The following AP2B1 variants were observed in gnomAD, a reference collection of about 807,000 sequenced individuals.
AP2B1 encodes the protein AP-2 complex subunit beta.
A neutral mutation model predicts 102.0 loss-of-function variants in AP2B1; 23 were observed. The observed-to-expected ratio is 0.23, with a 90% CI of 0.16 to 0.32. The LOEUF (loss-of-function observed/expected upper bound fraction) is 0.32. Ranked by LOEUF, AP2B1 falls within the 10% of genes least tolerant of loss-of-function variation. The pLI is 1.00. For synonymous variants in AP2B1, 381 were observed against 421.2 expected (o/e 0.90, Z 1.17); for missense variants, 541 against 1,157.4 (o/e 0.47, Z 7.73).
chr17:35,608,700 T>C (rs2073767910), intron 5 of AP2B1, among the ~76,000 whole-genome samples: 1 of 152,218 alleles, frequency 6.6e-6, no homozygotes, highest in Non-Finnish European at 1.5e-5. Flanking sequence ...ATATTTAAGA[T>C]TATTTTCTTC....
chr17:35,639,670 T>C lies in AP2B1; in HGVS notation c.1347T>C (p.Ile449=), dbSNP rs758727781. Residue 449 remains isoleucine (I), a synonymous_variant, in exon 11 of 22, where the codon ATT becomes ATC. Coordinates refer to ENST00000610402, the MANE Select transcript of AP2B1 (RefSeq NM_001030006.2). ...AGCCAGATGCTCGAGCAGCTATGAT[T>C]TGGATTGTGGGAGAATATGCTGAAA... ...LDEPDARAAM[I]WIVGEYAERI... is the part of the protein sequence containing the mutation. 27 of 1,614,026 alleles carry C rather than the reference T, an allele frequency of 1.7e-5. No homozygotes were observed. Among genetic ancestry groups the C allele is most frequent in the Non-Finnish European group, 2.3e-5 (27 of 1,180,008 alleles).
Position 35,633,488 on chromosome 17 carries a change from T to C in AP2B1, c.1156-2853T>C, listed in dbSNP as rs114056806. 8.5e-3 allele frequency among the ~76,000 whole-genome samples: 1,292 copies of C among 152,318 alleles called. 10 individuals carry two copies. Among genetic ancestry groups the C allele is most frequent in the African/African-American group, 0.026 (1,069 of 41,568 alleles). On this transcript the variant is annotated intron_variant, in intron 9 of 21. Coordinates refer to ENST00000610402, the MANE Select transcript of AP2B1 (RefSeq NM_001030006.2). ...TTGCTTATAGTGGTTTAGATTGTTATAGTACTTCTAAAGATCTTATTACAG... is the reference window on the plus strand; with the variant it reads ...TTGCTTATAGTGGTTTAGATTGTTACAGTACTTCTAAAGATCTTATTACAG...
chr17:35,596,519 CTTT>C (rs35095177), intron 2 of AP2B1, among the ~76,000 whole-genome samples: 5 of 143,518 alleles, frequency 3.5e-5, no homozygotes, highest in African/African-American at 5.2e-5. Flanking sequence ...CTATTTCTTT[CTTT>C]TTTTTTTTTT....
chr17:35,637,294 C>T (rs774952703), intron 10 of AP2B1, among the ~76,000 whole-genome samples: 102 of 152,100 alleles, frequency 6.7e-4, no homozygotes, highest in Non-Finnish European at 4.1e-4. Context: ...AAGTGATTCT[C>T]CTGCCTCAGC....
chr17:35,614,430 G>T (rs952565913), intron 5 of AP2B1, among the ~76,000 whole-genome samples: 4 of 151,832 alleles, frequency 2.6e-5, no homozygotes, highest in African/African-American at 9.7e-5. Flanking sequence ...CTTAAAGCAG[G>T]CCTCCAGCCT....
At chr17:35,589,122 G>A (rs556165150) in intron 1 of AP2B1, among the ~76,000 whole-genome samples, 1 of 152,268 alleles carries the variant, frequency 6.6e-6, no homozygotes, top group African/African-American at 2.4e-5. Context: ...CTACTTTGTA[G>A]TCTGTTATGT....
chr17:35,601,125 C>A (rs2073466439), intron 3 of AP2B1: 2 of 464,858 alleles, frequency 4.3e-6, no homozygotes, highest in South Asian at 9.1e-5. Flanking sequence ...GGCAAAGAGG[C>A]AAAATTGAGT....
chr17:35,682,926 G>A (rs1209594427), intron 18 of AP2B1, 102 bp downstream of exon 18: 5 of 1,162,686 alleles, frequency 4.3e-6, no homozygotes, highest in Admixed American at 2.5e-5. Flanking sequence ...TGCCCAGGCT[G>A]GAGTGTAGTG....
At chr17:35,609,287 C>T (rs1216141758) in intron 5 of AP2B1, among the ~76,000 whole-genome samples, 1 of 152,064 alleles carries the variant, frequency 6.6e-6, no homozygotes, top group Non-Finnish European at 1.5e-5. Flanking sequence ...TGGGTTCAAG[C>T]ACTCCTACCT....
chr17:35,643,415 C>G (rs770055982), intron 12 of AP2B1, among the ~76,000 whole-genome samples: 1 of 152,150 alleles, frequency 6.6e-6, no homozygotes, highest in Non-Finnish European at 1.5e-5. Context: ...TCTGTTTTCA[C>G]AAGTTCTCAA....
chr17:35,710,237 G>C lies in AP2B1; in HGVS notation c.2543G>C (p.Arg848Pro). The part of the protein sequence containing the change: ...VLFVEDGKME[R>P]QVFLATWKDI... ...TCCCCTCTGCTTTCCCATACAGAGC[G>C]CCAGGTCTTCCTTGCAACATGGAAG... Residue 848 changes from arginine to proline, a missense_variant, in exon 20 of 22, where the codon CGC becomes CCC. Transcript: ENST00000610402. 1 of 1,611,556 alleles carries C rather than the reference G, an allele frequency of 6.2e-7. No individual in the cohort carries two copies. The highest frequency in any genetic ancestry group is 1.3e-5 in the African/African-American group (1 of 74,970).
In AP2B1 at chr17:35,627,645, G is replaced by T. The variant is rs768852829; in HGVS notation, c.1074G>T (p.Leu358=). 2.5e-6 allele frequency: 4 copies of T among 1,613,958 alleles called. No homozygotes were observed. The African/African-American group carries it at 5.3e-5, about 22-fold the overall frequency. ...QANIAQVLAE[L]KEYATEVDVD... ...GGGTTTAACAGGTTCTGGCAGAACT[G>T]AAAGAATATGCTACAGAGGTGGATG... Residue 358 remains leucine, a synonymous_variant, in exon 9 of 22, where the codon CTG becomes CTT. Transcript: ENST00000610402.
At chr17:35,720,573 A>ATATATATATATTTTT (rs1324333805) in intron 21 of AP2B1, among the ~76,000 whole-genome samples, 1 of 28,068 alleles carries the variant, frequency 3.6e-5, no homozygotes, top group Non-Finnish European at 6.2e-5. Context: ...ATATATATAT[A>ATATATATATATTTTT]TTTTTTTTTT....
chr17:35,658,270 T>TC (rs2075278032), intron 14 of AP2B1, among the ~76,000 whole-genome samples: 1 of 114,716 alleles, frequency 8.7e-6, no homozygotes, highest in Admixed American at 1.1e-4. Flanking sequence ...AGCCTTTTTT[T>TC]TTCTTCTTCT....
chr17:35,648,046 T>C (rs2074985115), intron 12 of AP2B1, among the ~76,000 whole-genome samples: 1 of 152,058 alleles, frequency 6.6e-6, no homozygotes, highest in East Asian at 1.9e-4. Context: ...CATGAGCCAC[T>C]GTACCCGGTC....
At chr17:35,678,901 A>G (rs975108084) in intron 17 of AP2B1, among the ~76,000 whole-genome samples, 4 of 152,040 alleles carry the variant, frequency 2.6e-5, no homozygotes, top group Non-Finnish European at 5.9e-5. Flanking sequence ...TTATCTGGTC[A>G]TCCCTTCCCC....
chr17:35,639,333 C>T (rs2074702204), intron 10 of AP2B1, among the ~76,000 whole-genome samples: 1 of 151,970 alleles, frequency 6.6e-6, no homozygotes, highest in Admixed American at 6.6e-5. Flanking sequence ...GACCCTGTCT[C>T]CCTGTCTCAA....
At chr17:35,682,423 A>T (rs1448740686) in intron 17 of AP2B1, among the ~76,000 whole-genome samples, 2 of 143,820 alleles carry the variant, frequency 1.4e-5, no homozygotes, top group Non-Finnish European at 3.0e-5. Context: ...GCTCACTACA[A>T]CCTCCGCCTC....
At chr17:35,618,692 A>T (rs2074091067) in intron 5 of AP2B1, among the ~76,000 whole-genome samples, 1 of 152,146 alleles carries the variant, frequency 6.6e-6, no homozygotes, top group African/African-American at 2.4e-5. Context: ...CTCCCAGTTT[A>T]TATCTAGATT....
Sources: gnomAD v4.1 joint callset for allele counts (sites outside exome capture counted in the v4.1 genomes callset) on GRCh38, gnomAD v4.1.1 for gene constraint, MANE v1.5 for transcripts, NCBI Gene and HGNC (gene_info 2026-07-23, HGNC 2026-07-21) for gene names.